Variants in MGAT4C observed in about 807,000 individuals in gnomAD.
The protein encoded by MGAT4C is alpha-1,3-mannosyl-glycoprotein 4-beta-N-acetylglucosaminyltransferase C.
In MGAT4C, 19 loss-of-function variants were observed where a neutral mutation model predicts 40.1. The ratio of observed to expected loss-of-function variants is 0.47; its 90% CI spans 0.33 to 0.70. The LOEUF (loss-of-function observed/expected upper bound fraction) is 0.70. Among genes scored for constraint, MGAT4C ranks in the 30% least tolerant of loss-of-function variants. The pLI, the probability that MGAT4C is intolerant of heterozygous loss-of-function variation, is 0.02. For synonymous variants in MGAT4C, 181 were observed against 187.1 expected (o/e 0.97, Z 0.27); for missense variants, 491 against 563.2 (o/e 0.87, Z 1.30).
intron 2 of MGAT4C, among the ~76,000 whole-genome samples, chr12:86,436,452 T>C (rs927002918): frequency 3.3e-5 from 5 of 151,674 alleles, no homozygotes. Flanking sequence ...CTACATACTG[T>C]TTTTTTAATA....
intron 2 of MGAT4C, among the ~76,000 whole-genome samples, chr12:86,515,617 A>G (rs1254204056): frequency 6.6e-6 from 1 of 152,194 alleles, no homozygotes; most frequent in African/African-American, 2.4e-5. Context: ...TGTACACTGA[A>G]AGCTACAAAA....
chr12:86,780,825 T>A (rs1257011955), intron 1 of MGAT4C, among the ~76,000 whole-genome samples: 2 of 152,192 alleles, frequency 1.3e-5, no homozygotes, highest in Non-Finnish European at 2.9e-5. Context: ...CCTACCCTTC[T>A]GAGTCTCCAA....
chr12:86,739,741 A>G (rs144211585), intron 1 of MGAT4C, among the ~76,000 whole-genome samples: 2 of 151,144 alleles, frequency 1.3e-5, no homozygotes, highest in East Asian at 1.9e-4. Context: ...TTGAGCATCT[A>G]TGGATTTTGT....
chr12:86,130,393 G>T (rs1881003763), intron 1 of MGAT4C, among the ~76,000 whole-genome samples: 1 of 152,108 alleles, frequency 6.6e-6, no homozygotes, highest in Admixed American at 6.5e-5. Context: ...ATTTTAGAAG[G>T]ATAAGCAACA....
intron 2 of MGAT4C, among the ~76,000 whole-genome samples, chr12:86,020,967 G>T (rs1889656974): frequency 6.6e-6 from 1 of 152,142 alleles, no homozygotes; most frequent in South Asian, 2.1e-4. Flanking sequence ...CATTTATGCA[G>T]CCAAAAGACA....
At chr12:86,394,609 A>C (rs1956219494) in intron 3 of MGAT4C, among the ~76,000 whole-genome samples, 1 of 116,608 alleles carries the variant, frequency 8.6e-6, no homozygotes, top group Admixed American at 1.1e-4. Context: ...TTTTATATAT[A>C]TATACTTTAT....
chr12:86,048,258 C>G (rs1375323367), intron 2 of MGAT4C, among the ~76,000 whole-genome samples: 1 of 151,974 alleles, frequency 6.6e-6, no homozygotes, highest in African/African-American at 2.4e-5. Flanking sequence ...GGGCTAAACA[C>G]TGAGTACACA....
intron 1 of MGAT4C, among the ~76,000 whole-genome samples, chr12:86,060,267 C>A (rs1893812733): frequency 6.6e-6 from 1 of 152,104 alleles, no homozygotes; most frequent in African/African-American, 2.4e-5. Context: ...ATAGAATTTT[C>A]TGAGGCCTCC....
chr12:86,581,963 C>A (rs570661668), intron 2 of MGAT4C, among the ~76,000 whole-genome samples: 1 of 151,560 alleles, frequency 6.6e-6, no homozygotes, highest in Non-Finnish European at 1.5e-5. Context: ...AGCAAAGATA[C>A]AGTCCGTGTC....
chr12:86,468,723 C>T (rs1190814658), intron 2 of MGAT4C, among the ~76,000 whole-genome samples: 2 of 152,112 alleles, frequency 1.3e-5, no homozygotes, highest in Admixed American at 6.6e-5. Flanking sequence ...CTGGCTGTTT[C>T]AGACATAGCA....
intron 1 of MGAT4C, among the ~76,000 whole-genome samples, chr12:86,789,145 T>C (rs994842144): frequency 9.9e-5 from 15 of 152,168 alleles, no homozygotes; most frequent in Non-Finnish European, 7.4e-5. Flanking sequence ...CTGACTTATA[T>C]GTTAGGTATT....
At chr12:86,281,052 GTGTT>G (rs1317568065) in intron 4 of MGAT4C, among the ~76,000 whole-genome samples, 2 of 151,800 alleles carry the variant, frequency 1.3e-5, no homozygotes, top group Admixed American at 6.6e-5. Context: ...TGTAAGTTTT[GTGTT>G]TGTTTGTTTT....
Position 85,964,969 on chromosome 12 carries a change from A to G in MGAT4C, c.*14320T>C, listed in dbSNP as rs1883281265. 6.6e-6 allele frequency: 1 copy of G among 152,170 alleles called. No homozygotes were observed. The highest frequency in any genetic ancestry group is 6.5e-5 in the Admixed American group (1 of 15,272). 9.4% of individuals were successfully genotyped at this position (152,170 alleles called of 1,614,324 possible). A position where few individuals can be genotyped will look rare whatever the true frequency, so the allele number is the denominator to read the frequency against. ...AACTATTACTGACCTCCCTTGGATT[A>G]TGATGAAAACCGTGGAGTCTTTCTA... is the stretch of plus-strand genomic sequence containing the variant. On this transcript the variant is annotated 3_prime_UTR_variant, in exon 5 of 5. Transcript: ENST00000611864.
intron 1 of MGAT4C, among the ~76,000 whole-genome samples, chr12:86,784,647 T>C (rs938571914): frequency 2.0e-5 from 3 of 150,386 alleles, no homozygotes; most frequent in African/African-American, 7.4e-5. Flanking sequence ...AATTAATGAA[T>C]GAATATCTCA....
At chr12:86,438,664 A>G (rs537666136) in intron 2 of MGAT4C, among the ~76,000 whole-genome samples, 9 of 152,084 alleles carry the variant, frequency 5.9e-5, no homozygotes, top group African/African-American at 2.2e-4. Context: ...TGCTCCACTT[A>G]AATGATACAG....
At chr12:86,820,225 A>G (rs993508387) in intron 1 of MGAT4C, among the ~76,000 whole-genome samples, 25 of 150,790 alleles carry the variant, frequency 1.7e-4, no homozygotes, top group Non-Finnish European at 3.3e-4. Flanking sequence ...TTCTACTTTT[A>G]TAACATAGAA....
rs201561876 is a variant in MGAT4C, at chr12:86,151,301, C to T, written c.-56-101578G>A. Among the ~76,000 whole-genome samples the T allele has an allele frequency of 3.8e-3, 414 of 108,160 alleles. 2 individuals carry two copies. The highest frequency in any genetic ancestry group is 0.012 in the African/African-American group (388 of 32,982). 71.0% of individuals were successfully genotyped at this position (108,160 alleles called of 152,430 possible). On this transcript the variant is annotated intron_variant, in intron 1 of 4. Transcript: ENST00000611864. ...TGGAAGTGAAATCAGTGCCCCAGAA[C>T]ACACAGCGGAAAAAAAAAATGTTGA...
chr12:86,034,344 T>C (rs575978239), intron 2 of MGAT4C, among the ~76,000 whole-genome samples: 1 of 149,750 alleles, frequency 6.7e-6, no homozygotes, highest in African/African-American at 2.4e-5. Context: ...CTCTTCTTTA[T>C]ACATTGGTAG....
At chr12:86,380,448 C>T (rs1955907135) in intron 3 of MGAT4C, among the ~76,000 whole-genome samples, 1 of 151,600 alleles carries the variant, frequency 6.6e-6, no homozygotes, top group Admixed American at 6.6e-5. Context: ...TGCTTGTATG[C>T]CAGAAATAAA....
Sources: gnomAD v4.1 joint callset for allele counts (sites outside exome capture counted in the v4.1 genomes callset) on GRCh38, gnomAD v4.1.1 for gene constraint, MANE v1.5 for transcripts, NCBI Gene and HGNC (gene_info 2026-07-23, HGNC 2026-07-21) for gene names.